SPOCK2: variants seen among roughly 807,000 people sequenced by gnomAD.
SPOCK2 encodes SPARC (osteonectin), cwcv and kazal like domains proteoglycan 2, also known as testican-2.
In SPOCK2, 39 loss-of-function variants were observed where a neutral mutation model predicts 60.1. The observed-to-expected ratio is 0.65, with a 90% CI of 0.50 to 0.85. The LOEUF is 0.85. SPOCK2 is among the 40% of genes least tolerant of loss of function. SPOCK2 has a pLI of 0.00. For missense variants in SPOCK2, 523 were observed against 567.4 expected (o/e 0.92, Z 0.80); for synonymous variants, 217 against 231.5 (o/e 0.94, Z 0.57).
At chr10:72,086,517 C>T (rs1840856821) in intron 1 of SPOCK2, 1 of 1,121,362 alleles carries the variant, frequency 8.9e-7, no homozygotes, top group Non-Finnish European at 1.1e-6. Context: ...GCCAGTGACA[C>T]ATGGATTCCG....
intron 5 of SPOCK2, 95 bp downstream of exon 5, chr10:72,070,217 A>C (rs1564547437): frequency 3.2e-6 from 4 of 1,243,678 alleles, no homozygotes; most frequent in Non-Finnish European, 1.1e-6. Context: ...TCAGTCCTGG[A>C]AACCCCTCCG....
rs553665934 is a variant in SPOCK2 at position 72,059,869 on chromosome 10, A to T, written c.*2891T>A. 1 of 152,964 alleles carries T rather than the reference A, an allele frequency of 6.5e-6. No individual in the cohort carries two copies. The highest frequency in any genetic ancestry group is 2.4e-5 in the African/African-American group (1 of 41,562). 9.5% of individuals were successfully genotyped at this position (152,964 alleles called of 1,614,324 possible). A position where few individuals can be genotyped will look rare whatever the true frequency, so the allele number is the denominator to read the frequency against. On this transcript the variant is annotated 3_prime_UTR_variant, in exon 11 of 11. Transcript: ENST00000373109. ...TCTCTGCTGCAACCTACCAGATCTGACATCCACCTCCCCCAGCACCCATGG... is the reference window on the plus strand; with the variant it reads ...TCTCTGCTGCAACCTACCAGATCTGTCATCCACCTCCCCCAGCACCCATGG...
intron 1 of SPOCK2, among the ~76,000 whole-genome samples, chr10:72,077,968 C>A (rs1159825479): frequency 1.3e-5 from 2 of 152,186 alleles, no homozygotes; most frequent in African/African-American, 4.8e-5. Context: ...CACCCGGATC[C>A]TTCCAAAACA....
chr10:72,068,143 G>C, intron 6 of SPOCK2, 44 bp downstream of exon 6: 1 of 1,568,626 alleles, frequency 6.4e-7, no homozygotes, highest in Non-Finnish European at 8.7e-7. Context: ...GGTGCCAGGT[G>C]GCCCTTCAGC....
chr10:72,078,403 C>T (rs978823288), intron 1 of SPOCK2, among the ~76,000 whole-genome samples: 4 of 151,644 alleles, frequency 2.6e-5, no homozygotes, highest in African/African-American at 2.4e-5. Context: ...CCCAGCTACT[C>T]GGGAGGCTGA....
intron 1 of SPOCK2, among the ~76,000 whole-genome samples, chr10:72,084,783 A>C (rs538379693): frequency 1.8e-4 from 27 of 152,300 alleles, no homozygotes; most frequent in African/African-American, 5.8e-4. Context: ...TAGGCTGTAA[A>C]GTAACAATAA....
At position 72,067,471 on chromosome 10, in the gene SPOCK2, G is replaced by A. The variant is rs189805247; in HGVS notation, c.709+142C>T. On this transcript the variant is annotated intron_variant, in intron 7 of 10. Transcript: ENST00000373109. ...TCTGGTGGAAGCCGACTTCTTTGGG[G>A]TGAAGGTTCTTTTGGGGCCCAGATT... The A allele has an allele frequency of 1.4e-4, 200 of 1,426,090 alleles. 2 individuals are homozygous for A. The Admixed American group carries it at 4.3e-3, about 31-fold the overall frequency. 88.3% of individuals were successfully genotyped at this position (1,426,090 alleles called of 1,614,324 possible). A position where few individuals can be genotyped will look rare whatever the true frequency, so the allele number is the denominator to read the frequency against.
rs537384583 is a variant in SPOCK2 at position 72,070,414 on chromosome 10, C to T, written c.372G>A (p.Pro124=). Residue 124 remains proline, a synonymous_variant, in exon 5 of 11, where the codon CCG becomes CCA. Transcript: ENST00000373109. ...RKKLEHRIKQ[P]TVKLHGNKDS... ...CTTTGTTTCCATGGAGTTTCACGGT[C>T]GGCTGCTTGATCCTACAGGAGAGGG... 1.5e-5 allele frequency: 25 copies of T among 1,614,026 alleles called. No homozygotes were observed. The highest frequency in any genetic ancestry group is 6.6e-5 in the South Asian group (6 of 91,036).
intron 1 of SPOCK2, chr10:72,086,603 C>T (rs1311283608): frequency 8.5e-6 from 10 of 1,182,222 alleles, no homozygotes; most frequent in South Asian, 6.4e-5. Flanking sequence ...GACTGCGGCT[C>T]ATCTGCGCTG....
chr10:72,070,447 C>T, intron 4 of SPOCK2, 21 bp from the exon 5 acceptor site: 1 of 1,611,378 alleles, frequency 6.2e-7, no homozygotes, highest in Non-Finnish European at 8.5e-7. Context: ...GGGTGGGGGG[C>T]ACACCAGGGT....
intron 1 of SPOCK2, among the ~76,000 whole-genome samples, chr10:72,085,674 A>G (rs904928036): frequency 2.0e-5 from 3 of 152,002 alleles, no homozygotes; most frequent in African/African-American, 7.3e-5. Context: ...GCCCTGTACC[A>G]TTTTGGGGTT....
At chr10:72,072,957 G>A (rs1446317697) in intron 1 of SPOCK2, 47 bp from the exon 2 acceptor site, 5 of 1,552,066 alleles carry the variant, frequency 3.2e-6, no homozygotes, top group Non-Finnish European at 4.4e-6. Context: ...GGAGCAGGAA[G>A]AGAAAGGGAG....
chr10:72,072,624 G>GA, intron 2 of SPOCK2, 76 bp from the exon 3 acceptor site: 2 of 1,598,192 alleles, frequency 1.3e-6, no homozygotes, highest in Non-Finnish European at 8.5e-7. Flanking sequence ...CGGGGTCGAG[G>GA]AGAGGCCTGG....
chr10:72,079,645 C>G (rs1840757570), intron 1 of SPOCK2, among the ~76,000 whole-genome samples: 1 of 152,154 alleles, frequency 6.6e-6, no homozygotes, highest in African/African-American at 2.4e-5. Context: ...CCCAAATCAC[C>G]CGCTCACTTC....
intron 1 of SPOCK2, among the ~76,000 whole-genome samples, chr10:72,078,297 C>T (rs1416665157): frequency 6.6e-6 from 1 of 152,084 alleles, no homozygotes; most frequent in Non-Finnish European, 1.5e-5. Flanking sequence ...GGGCGGATCA[C>T]GAGGTCAGGA....
At chr10:72,081,947 T>C (rs1752055767) in intron 1 of SPOCK2, among the ~76,000 whole-genome samples, 1 of 152,108 alleles carries the variant, frequency 6.6e-6, no homozygotes, top group South Asian at 2.1e-4. Context: ...CACGTTTACA[T>C]TGAGCACCTA....
At chr10:72,077,916 T>G (rs1589123746) in intron 1 of SPOCK2, among the ~76,000 whole-genome samples, 1 of 152,296 alleles carries the variant, frequency 6.6e-6, no homozygotes, top group East Asian at 1.9e-4. Context: ...CAGCGCCTCC[T>G]GAGGGTCTCC....
chr10:72,088,864 A>T (rs999599545), upstream of SPOCK2: 2 of 152,454 alleles, frequency 1.3e-5, no homozygotes, highest in Admixed American at 1.3e-4. Context: ...CTCCGGTTAC[A>T]AAGCCAGCCA....
In SPOCK2 at chr10:72,062,800, C is replaced by CCCT. The variant is rs752413849; in HGVS notation, c.1232_1234dup (p.Glu411dup). On this transcript the variant is annotated inframe_insertion, in exon 11 of 11. Transcript: ENST00000373109. The surrounding 1 kb of genome is among the most constrained non-coding windows in gnomAD (Gnocchi z 4.3). ...CCCGTCGTCAGCCTCGCCTGCCTCG[C>CCCT]CCTCCTCCTCCTCGGCCTCCTCGCC... 4 of 1,609,544 alleles carry CCCT rather than the reference C, an allele frequency of 2.5e-6. No homozygotes were observed. The highest frequency in any genetic ancestry group is 1.7e-5 in the Admixed American group (1 of 59,894).
Sources: gnomAD v4.1 joint callset for allele counts (sites outside exome capture counted in the v4.1 genomes callset) on GRCh38, gnomAD v4.1.1 for gene constraint, Gnocchi (gnomAD v3.1) non-coding constraint, MANE v1.5 for transcripts, NCBI Gene and HGNC (gene_info 2026-07-23, HGNC 2026-07-21) for gene names.